The following NLRC3 variants were observed in gnomAD, a reference collection of about 807,000 sequenced individuals.
NLRC3 encodes the protein NLR family CARD domain containing 3.
Under a neutral mutation model 91.6 loss-of-function variants are expected in NLRC3, and 87 were observed. That is an observed-to-expected ratio of 0.95 (90% CI 0.80 to 1.14). The LOEUF (loss-of-function observed/expected upper bound fraction) is 1.14. NLRC3 is among the 50% of genes most tolerant of loss of function. The pLI, the probability that NLRC3 is intolerant of heterozygous loss-of-function variation, is 0.00. For missense variants in NLRC3, 1,577 were observed against 1,418.6 expected, an observed-to-expected ratio of 1.11 and a Z score of -1.79; for synonymous variants, 694 against 625.3, an observed-to-expected ratio of 1.11 and a Z score of -1.64.
At chr16:3,577,007 C>T (rs890864514) in intron 1 of NLRC3, 142 bp downstream of exon 1, 2 of 669,304 alleles carry the variant, frequency 3.0e-6, no homozygotes, top group Non-Finnish European at 2.7e-6. Context: ...AGTCCTGCCC[C>T]AGGAGACAGC....
intron 6 of NLRC3, among the ~76,000 whole-genome samples, chr16:3,560,774 C>T (rs914110296): frequency 1.3e-5 from 2 of 151,906 alleles, no homozygotes; most frequent in Non-Finnish European, 2.9e-5. Flanking sequence ...ATTCTCCTGC[C>T]TCAGCCTCCT....
chr16:3,570,839 G>A (rs557342439), intron 1 of NLRC3, among the ~76,000 whole-genome samples: 12 of 152,296 alleles, frequency 7.9e-5, no homozygotes, highest in Admixed American at 5.2e-4. Flanking sequence ...TCTAAGTATG[G>A]AGGGGAGCCA....
At chr16:3,543,732 G>A in intron 16 of NLRC3, 1 of 562,482 alleles carries the variant, frequency 1.8e-6, no homozygotes, top group Non-Finnish European at 3.2e-6. Flanking sequence ...GCTGTCCCTG[G>A]AAGGGCTCGG....
intron 1 of NLRC3, among the ~76,000 whole-genome samples, chr16:3,574,486 C>T (rs1004657750): frequency 2.0e-5 from 3 of 151,896 alleles, no homozygotes; most frequent in East Asian, 1.9e-4. Context: ...GGGGTTGGGG[C>T]GAGGCAGGAC....
intron 2 of NLRC3, among the ~76,000 whole-genome samples, chr16:3,565,920 G>A (rs939003394): frequency 1.3e-5 from 2 of 151,080 alleles, no homozygotes; most frequent in Non-Finnish European, 2.9e-5. Flanking sequence ...TGTGCCAGTA[G>A]TCCCAGCTAC....
At chr16:3,566,594 A>AGG (rs2039893974) in intron 2 of NLRC3, among the ~76,000 whole-genome samples, 1 of 152,144 alleles carries the variant, frequency 6.6e-6, no homozygotes, top group Non-Finnish European at 1.5e-5. Context: ...GTGTGGCAGC[A>AGG]CATGCCTGTA....
rs1205530490 is a variant in NLRC3, at chr16:3,543,979, C to A, written c.2855+267G>T. On this transcript the variant is annotated intron_variant, in intron 16 of 19. Transcript: ENST00000359128. ...GACCAGCCTGGCCAATATGGTGAAACCCCGTCTCTACTAAAAATACAAAAA... is the reference window on the plus strand; with the variant it reads ...GACCAGCCTGGCCAATATGGTGAAAACCCGTCTCTACTAAAAATACAAAAA... 6.9e-6 allele frequency: 3 copies of A among 433,434 alleles called. No individual in the cohort carries two copies. The East Asian group carries it at 1.3e-4, about 18-fold the overall frequency. The allele number at this position is 433,434 out of a possible 1,614,324, so 26.8% of individuals were successfully genotyped here.
Position 3,563,156 on chromosome 16 carries a change from C to A in NLRC3, c.1781G>T (p.Arg594Met). Residue 594 changes from arginine (R) to methionine (M), a missense_variant, in exon 5 of 20, where the codon AGG becomes ATG. Transcript: ENST00000359128. ...AGCGCGGTGCGCGGGACCAGTCAGC[C>A]TGGCCAGGGCCCCGCTCTCCATGGC... ...EEAMESGALA[R>M]LTGPAHRAAL... 6.3e-7 allele frequency: 1 copy of A among 1,590,326 alleles called. No individual in the cohort carries two copies. The highest frequency in any genetic ancestry group is 8.5e-7 in the Non-Finnish European group (1 of 1,170,614).
In NLRC3 at chr16:3,563,038, C is replaced by A; in HGVS notation, c.1899G>T (p.Leu633=). The A allele has an allele frequency of 6.4e-7, 1 of 1,557,476 alleles. No individual in the cohort carries two copies. The highest frequency in any genetic ancestry group is 8.7e-7 in the Non-Finnish European group (1 of 1,151,114). The part of the protein sequence containing the change: ...SLSQGVLQSL[L]PQLLYCRKLR... The stretch of plus-strand genomic sequence containing the variant: ...GCTTCCGGCAGTAGAGCAGCTGGGG[C>A]AGCAGGCTCTGAAGGACGCCCTGGC... The change falls in exon 5 of 20, where the codon CTG becomes CTT. Residue 633 remains leucine, a synonymous_variant. Transcript: ENST00000359128.
At chr16:3,557,763 C>T in intron 6 of NLRC3, 87 bp from the exon 7 acceptor site, 1 of 815,754 alleles carries the variant, frequency 1.2e-6, no homozygotes, top group East Asian at 2.6e-5. Context: ...GATTAATCCT[C>T]TAGGCTCCCC....
intron 7 of NLRC3, among the ~76,000 whole-genome samples, chr16:3,557,272 A>C (rs1316368055): frequency 7.9e-5 from 12 of 152,200 alleles, no homozygotes; most frequent in Admixed American, 7.9e-4. Flanking sequence ...GATGCAGGGC[A>C]AACATCTGGT....
chr16:3,574,088 T>C (rs1000235721), intron 1 of NLRC3, among the ~76,000 whole-genome samples: 1 of 139,434 alleles, frequency 7.2e-6, no homozygotes, highest in East Asian at 2.4e-4. Context: ...CGTGGCACTA[T>C]CTCGTCTCAC....
intron 15 of NLRC3, among the ~76,000 whole-genome samples, chr16:3,546,394 T>TAAA (rs57467448): frequency 4.5e-5 from 6 of 134,144 alleles, no homozygotes; most frequent in African/African-American, 1.7e-4. Context: ...CCGTCTCTAT[T>TAAA]AAAAAAAAAA....
intron 15 of NLRC3, 81 bp from the exon 16 acceptor site, chr16:3,544,410 A>G (rs2038578976): frequency 8.5e-6 from 8 of 941,620 alleles, no homozygotes; most frequent in Non-Finnish European, 1.2e-5. Context: ...TGGACCTGCC[A>G]GGTTTAACCG....
intron 5 of NLRC3, chr16:3,562,782 C>T (rs1266451998): frequency 7.8e-6 from 5 of 642,174 alleles, no homozygotes; most frequent in Non-Finnish European, 1.1e-5. Context: ...AAGAACCTCT[C>T]CTATATGTTT....
rs372041733 is a variant in NLRC3 at position 3,563,140 on chromosome 16, C to T, written c.1797G>A (p.Ala599=). Residue 599 remains alanine (A), a synonymous_variant, in exon 5 of 20, where the codon GCG becomes GCA. Transcript: ENST00000359128. ...GGAGGTAGGCCAGGGCAGCGCGGTG[C>T]GCGGGACCAGTCAGCCTGGCCAGGG... ...SGALARLTGP[A]HRAALAYLLQ... The T allele has an allele frequency of 2.9e-4, 460 of 1,586,050 alleles. 2 individuals are homozygous for T. The highest frequency in any genetic ancestry group is 9.7e-4 in the Middle Eastern group (5 of 5,178).
In NLRC3 at chr16:3,542,725, G is replaced by A. The variant is rs2151079314; in HGVS notation, c.2990C>T (p.Ala997Val). 3 of 1,610,778 alleles carry A rather than the reference G, an allele frequency of 1.9e-6. No homozygotes were observed. In the East Asian group the frequency reaches 6.7e-5, roughly 36 times the overall value. Residue 997 changes from alanine to valine, a missense_variant, in exon 18 of 20, where the codon GCT (alanine) becomes GTT (valine). Transcript: ENST00000359128. ...CCGGAGACTTGAGTTTACCTTCAGA[G>A]CATTTGCCAGGGCTTTGGCTCCAGC... is the stretch of plus-strand genomic sequence containing the variant. ...GVAGAKALAN[A>V]LKVNSSLRRL... is the part of the protein sequence containing the mutation.
chr16:3,560,248 C>A (rs1312617466), intron 6 of NLRC3, among the ~76,000 whole-genome samples: 3 of 152,140 alleles, frequency 2.0e-5, no homozygotes, highest in African/African-American at 4.8e-5. Context: ...TATAGTGAAA[C>A]CCTGTATCGA....
chr16:3,573,945 A>G (rs2040190157), intron 1 of NLRC3, among the ~76,000 whole-genome samples: 1 of 148,902 alleles, frequency 6.7e-6, no homozygotes, highest in South Asian at 2.1e-4. Flanking sequence ...CAGCCTCCCA[A>G]GTAGCTGGGA....
Sources: allele counts gnomAD v4.1 joint callset (sites outside exome capture counted in the v4.1 genomes callset), GRCh38; gene constraint gnomAD v4.1.1; transcripts MANE v1.5; gene names NCBI Gene and HGNC (gene_info 2026-07-23, HGNC 2026-07-21).